The following CAMK1D variants were observed in gnomAD, a reference collection of about 807,000 sequenced individuals.
CAMK1D encodes the protein calcium/calmodulin-dependent protein kinase type 1D.
CAMK1D carries 9 observed loss-of-function variants against 47.7 expected under a neutral mutation model. That is an observed-to-expected ratio of 0.19 (90% confidence interval 0.11 to 0.33). CAMK1D has a LOEUF of 0.33. CAMK1D is among the 10% of genes least tolerant of loss of function. CAMK1D has a pLI of 1.00. For missense variants in CAMK1D, 291 were observed against 488.7 expected (o/e 0.60, Z 3.81); for synonymous variants, 184 against 184.9 (o/e 0.99, Z 0.04).
At chr10:12,694,218 A>T (rs200981768) in intron 3 of CAMK1D, among the ~76,000 whole-genome samples, 262 of 3,404 alleles carry the variant, frequency 0.077, 60 homozygotes, top group African/African-American at 0.1. Context: ...GTATAATATA[A>T]AATATATATT....
chr10:12,735,875 G>A (rs1035845729), intron 3 of CAMK1D, among the ~76,000 whole-genome samples: 14 of 151,998 alleles, frequency 9.2e-5, no homozygotes, highest in Non-Finnish European at 1.3e-4. Flanking sequence ...GAGATGGCTG[G>A]CACCACACTC....
intron 1 of CAMK1D, among the ~76,000 whole-genome samples, chr10:12,388,018 C>T (rs1295078550): frequency 6.6e-6 from 1 of 152,050 alleles, no homozygotes; most frequent in Non-Finnish European, 1.5e-5. Context: ...TGGGAACCTC[C>T]CTTTCTGTAG....
At chr10:12,471,288 T>C (rs1386162015) in intron 1 of CAMK1D, among the ~76,000 whole-genome samples, 2 of 152,182 alleles carry the variant, frequency 1.3e-5, no homozygotes, top group African/African-American at 2.4e-5. Context: ...TCTGGGTCCA[T>C]GTGGGAGTGG....
In CAMK1D at chr10:12,541,842, TCTTCCTTCCTTC is replaced by T. The variant is rs150179810; in HGVS notation, c.93-11347_93-11336del. ...TGACTTCACTTTTTGCTGTGTTTTA[TCTTCCTTCCTTC>T]CTTCCTTCCTTCCTTCCTTCCTTCC... On this transcript the variant is annotated intron_variant, in intron 1 of 10. Transcript: ENST00000619168. Among the ~76,000 whole-genome samples the T allele has an allele frequency of 2.0e-3, 235 of 116,628 alleles. 1 individual carries two copies. Among genetic ancestry groups the T allele is most frequent in the South Asian group, 0.016 (50 of 3,112 alleles). The allele number at this position is 116,628 out of a possible 152,430, so 76.5% of individuals were successfully genotyped here. A position where few individuals can be genotyped will look rare whatever the true frequency, so the allele number is the denominator to read the frequency against.
chr10:12,734,443 CAT>C (rs372827946), intron 3 of CAMK1D, among the ~76,000 whole-genome samples: 6 of 5,274 alleles, frequency 1.1e-3, no homozygotes, highest in Admixed American at 4.5e-3. Context: ...TACACACACA[CAT>C]ATGTGTATAT....
intron 3 of CAMK1D, among the ~76,000 whole-genome samples, chr10:12,740,809 C>T (rs1052834231): frequency 6.6e-6 from 1 of 152,152 alleles, no homozygotes; most frequent in Non-Finnish European, 1.5e-5. Flanking sequence ...GTACTGGGTA[C>T]TGAGTTGAAC....
chr10:12,682,260 C>G (rs1336827190), intron 3 of CAMK1D, among the ~76,000 whole-genome samples: 1 of 152,056 alleles, frequency 6.6e-6, no homozygotes, highest in Non-Finnish European at 1.5e-5. Context: ...TTAGTTTTGA[C>G]ATTCTGTGAT....
intron 2 of CAMK1D, among the ~76,000 whole-genome samples, chr10:12,609,066 A>G (rs969864568): frequency 3.3e-5 from 5 of 152,240 alleles, no homozygotes; most frequent in African/African-American, 4.8e-5. Context: ...TCTTCCTGCC[A>G]AGGGGCCATG....
intron 1 of CAMK1D, among the ~76,000 whole-genome samples, chr10:12,446,149 C>T (rs1168049723): frequency 1.3e-5 from 2 of 152,062 alleles, no homozygotes; most frequent in Non-Finnish European, 2.9e-5. Flanking sequence ...TCTTGGGTCT[C>T]GTGCAAGAGA....
chr10:12,750,335 A>T (rs960321960), intron 3 of CAMK1D, among the ~76,000 whole-genome samples: 1 of 152,198 alleles, frequency 6.6e-6, no homozygotes, highest in Non-Finnish European at 1.5e-5. Context: ...ACCCTTTAGC[A>T]GATCATTCTA....
At chr10:12,395,244 AT>A (rs915054198) in intron 1 of CAMK1D, among the ~76,000 whole-genome samples, 8 of 149,814 alleles carry the variant, frequency 5.3e-5, no homozygotes, top group African/African-American at 9.8e-5. Context: ...TTTTTAATTA[AT>A]TTTTTTTTGT....
At chr10:12,635,598 C>T (rs774370897) in intron 2 of CAMK1D, among the ~76,000 whole-genome samples, 17 of 152,188 alleles carry the variant, frequency 1.1e-4, no homozygotes, top group Admixed American at 3.3e-4. Context: ...AGGCCCTCTG[C>T]CTTTCAGATC....
At chr10:12,420,601 C>G (rs942074443) in intron 1 of CAMK1D, among the ~76,000 whole-genome samples, 1 of 151,954 alleles carries the variant, frequency 6.6e-6, no homozygotes, top group East Asian at 1.9e-4. Flanking sequence ...AATGTGCCCC[C>G]AAACTACTTA....
chr10:12,614,882 G>C (rs767518039), intron 2 of CAMK1D, among the ~76,000 whole-genome samples: 1 of 152,204 alleles, frequency 6.6e-6, no homozygotes, highest in Non-Finnish European at 1.5e-5. Context: ...TGCCGACATG[G>C]AGTAATCAGC....
chr10:12,599,473 C>T (rs1209585863), intron 2 of CAMK1D, among the ~76,000 whole-genome samples: 2 of 152,198 alleles, frequency 1.3e-5, no homozygotes, highest in East Asian at 3.8e-4. Flanking sequence ...GTAGGCAGTG[C>T]ACTGCCTCAA....
At chr10:12,751,082 A>AAGGCT (rs1306700863) in intron 3 of CAMK1D, among the ~76,000 whole-genome samples, 2 of 65,400 alleles carry the variant, frequency 3.1e-5, no homozygotes, top group African/African-American at 1.6e-4. Flanking sequence ...ATAAGATAAG[A>AAGGCT]TAAGATAAGA....
rs1386268087 is a variant in CAMK1D, at chr10:12,401,845, A to T, written c.92+51935A>T. On this transcript the variant is annotated intron_variant, in intron 1 of 10. Coordinates refer to ENST00000619168, the MANE Select transcript of CAMK1D (RefSeq NM_153498.4). ...GGCATGTATAGGGGAGTAGTGAGAG[A>T]GAAAGCTGAAAAGAGGCTTTGGTTG... Among the ~76,000 whole-genome samples the T allele has an allele frequency of 2.0e-5, 3 of 152,006 alleles. No homozygotes were observed. The East Asian group carries it at 5.8e-4, about 29-fold the overall frequency.
At chr10:12,453,934 C>T (rs1330944897) in intron 1 of CAMK1D, among the ~76,000 whole-genome samples, 2 of 152,082 alleles carry the variant, frequency 1.3e-5, no homozygotes, top group African/African-American at 2.4e-5. Flanking sequence ...ACATGATGAT[C>T]GTATCCTCTC....
At chr10:12,461,760 T>G (rs993622137) in intron 1 of CAMK1D, among the ~76,000 whole-genome samples, 2 of 151,888 alleles carry the variant, frequency 1.3e-5, no homozygotes, top group Admixed American at 6.6e-5. Context: ...GTGGAAATAT[T>G]TCACAGTTAT....
Sources: gnomAD v4.1 joint callset for allele counts (sites outside exome capture counted in the v4.1 genomes callset) on GRCh38, gnomAD v4.1.1 for gene constraint, MANE v1.5 for transcripts, NCBI Gene and HGNC (gene_info 2026-07-23, HGNC 2026-07-21) for gene names.